Variants in NBEAL1 observed in about 807,000 individuals in gnomAD.
NBEAL1 encodes neurobeachin like 1.
In NBEAL1, 273 loss-of-function variants were observed where a neutral mutation model predicts 351.3. That is an observed-to-expected ratio of 0.78 (90% CI 0.70 to 0.86). The LOEUF is 0.86. Ranked by LOEUF, NBEAL1 falls within the 40% of genes least tolerant of loss-of-function variation. NBEAL1 has a pLI of 0.00. For missense variants in NBEAL1, 2,961 were observed against 3,201.3 expected (o/e 0.92, Z 1.81); for synonymous variants, 1,050 against 1,086.4 (o/e 0.97, Z 0.66).
intron 23 of NBEAL1, 37 bp downstream of exon 23, chr2:203,126,963 A>T (rs1362860428): frequency 2.2e-6 from 3 of 1,371,186 alleles, no homozygotes; most frequent in Non-Finnish European, 3.0e-6. Flanking sequence ...TTGATATATT[A>T]TTTTCTGTCT....
chr2:203,085,603 AATG>A (rs1471514358), intron 10 of NBEAL1: 5 of 152,160 alleles, frequency 3.3e-5, no homozygotes, highest in African/African-American at 4.8e-5. Flanking sequence ...TAATGACCTA[AATG>A]ATGATTTTGG....
chr2:203,129,154 A>G (rs2063015001), intron 24 of NBEAL1, among the ~76,000 whole-genome samples: 2 of 152,166 alleles, frequency 1.3e-5, no homozygotes, highest in Non-Finnish European at 2.9e-5. Flanking sequence ...CACTGCTATA[A>G]CATATACAGA....
Position 203,207,512 on chromosome 2 carries a change from C to T in NBEAL1, c.7507-1125C>T, listed in dbSNP as rs182123863. On this transcript the variant is annotated intron_variant, in intron 51 of 55. Transcript: ENST00000683969. ...AAAGATTGAGAAATCGGATGGTTGC[C>T]GTGTCTGTGTTAGAAAGAGGTAGAC... Among the ~76,000 whole-genome samples the T allele has an allele frequency of 7.1e-3, 1,082 of 152,284 alleles. 6 individuals carry two copies. The highest frequency in any genetic ancestry group is 0.011 in the Non-Finnish European group (758 of 68,014).
chr2:203,101,997 C>T (rs940294302), intron 12 of NBEAL1, among the ~76,000 whole-genome samples: 2 of 152,098 alleles, frequency 1.3e-5, no homozygotes, highest in Admixed American at 6.6e-5. Context: ...AGCAGTGTTT[C>T]GTAATTCTTG....
Position 203,110,286 on chromosome 2 carries a change from A to G in NBEAL1, c.2082+4A>G. 6.4e-7 allele frequency: 1 copy of G among 1,551,110 alleles called. No individual in the cohort carries two copies. Among genetic ancestry groups the G allele is most frequent in the Non-Finnish European group, 8.7e-7 (1 of 1,146,764 alleles). Reference sequence around the variant, plus strand: ...CAGTTTCTGTGATTCCCTCTGGGTAAGGCTTTAGGGCATCACATTTAACTT... The same window carrying G: ...CAGTTTCTGTGATTCCCTCTGGGTAGGGCTTTAGGGCATCACATTTAACTT... On this transcript the variant is annotated splice_donor_region_variant and intron_variant, in intron 15 of 55. Coordinates refer to ENST00000683969, the MANE Select transcript of NBEAL1 (RefSeq NM_001378026.1).
At chr2:203,175,328 T>G in intron 42 of NBEAL1, 41 bp downstream of exon 42, 1 of 1,605,148 alleles carries the variant, frequency 6.2e-7, no homozygotes, top group Non-Finnish European at 8.5e-7. Context: ...ATGACTATGT[T>G]AGTGTTGAAA....
chr2:203,025,114 G>A (rs1406892863), intron 2 of NBEAL1, among the ~76,000 whole-genome samples: 3 of 152,150 alleles, frequency 2.0e-5, no homozygotes, highest in Non-Finnish European at 4.4e-5. Flanking sequence ...TGGCACTGCT[G>A]TAGAACATCT....
intron 48 of NBEAL1, among the ~76,000 whole-genome samples, chr2:203,198,596 T>C (rs990987349): frequency 7.2e-5 from 11 of 152,114 alleles, no homozygotes; most frequent in African/African-American, 2.7e-4. Context: ...CTGAGCGCAG[T>C]GGCTCACACC....
chr2:203,146,118 T>G (rs1026521846), intron 33 of NBEAL1, among the ~76,000 whole-genome samples: 1 of 152,042 alleles, frequency 6.6e-6, no homozygotes, highest in Non-Finnish European at 1.5e-5. Flanking sequence ...CAAACCACTC[T>G]ATGCACATAA....
intron 35 of NBEAL1, among the ~76,000 whole-genome samples, chr2:203,156,357 G>A (rs2063798026): frequency 6.6e-6 from 1 of 152,130 alleles, no homozygotes; most frequent in Non-Finnish European, 1.5e-5. Context: ...TGGCCTCCTT[G>A]CTGCAGTCCA....
At chr2:203,077,186 T>C (rs991621294) in intron 7 of NBEAL1, among the ~76,000 whole-genome samples, 1 of 150,784 alleles carries the variant, frequency 6.6e-6, no homozygotes, top group Non-Finnish European at 1.5e-5. Context: ...CTGAGGCGGG[T>C]GGGTCACCTG....
chr2:203,182,975 C>T (rs534433133), intron 43 of NBEAL1: 32 of 179,878 alleles, frequency 1.8e-4, no homozygotes, highest in African/African-American at 6.9e-4. Flanking sequence ...GTGTCCCTCT[C>T]ATTATTTTAA....
chr2:203,089,389 C>G (rs1175631493), intron 10 of NBEAL1, among the ~76,000 whole-genome samples: 2 of 151,694 alleles, frequency 1.3e-5, no homozygotes, highest in Non-Finnish European at 2.9e-5. Context: ...CCACTTTGTT[C>G]CAGGTCTTTC....
chr2:203,181,496 A>G (rs905237578), intron 43 of NBEAL1: 1 of 152,146 alleles, frequency 6.6e-6, no homozygotes. Flanking sequence ...ACCTTTTTAA[A>G]TGTCCAAATC....
At chr2:203,140,472 T>C (rs575752783) in intron 31 of NBEAL1, among the ~76,000 whole-genome samples, 1 of 152,282 alleles carries the variant, frequency 6.6e-6, no homozygotes, top group East Asian at 1.9e-4. Context: ...TTTCTTTTTC[T>C]TACTATTATA....
intron 2 of NBEAL1, among the ~76,000 whole-genome samples, chr2:203,029,154 T>C (rs1197109909): frequency 6.6e-6 from 1 of 152,168 alleles, no homozygotes; most frequent in Non-Finnish European, 1.5e-5. Flanking sequence ...TACGCCTGGC[T>C]AATTTTTTTA....
At chr2:203,157,647 T>A in intron 35 of NBEAL1, 52 bp from the exon 36 acceptor site, 1 of 1,380,044 alleles carries the variant, frequency 7.2e-7, no homozygotes, top group Non-Finnish European at 9.7e-7. Flanking sequence ...ACAGAAAGGC[T>A]ATAATATTGT....
intron 54 of NBEAL1, among the ~76,000 whole-genome samples, chr2:203,211,523 T>G (rs1251091773): frequency 1.3e-5 from 2 of 152,236 alleles, no homozygotes; most frequent in East Asian, 3.9e-4. Flanking sequence ...AGCATGTTCC[T>G]GTGTTCCCAG....
At chr2:203,088,108 A>G (rs1211546963) in intron 10 of NBEAL1, among the ~76,000 whole-genome samples, 1 of 152,222 alleles carries the variant, frequency 6.6e-6, no homozygotes, top group Admixed American at 6.5e-5. Context: ...ACTCAGGCTT[A>G]TTTTAAAAGT....
Sources: gnomAD v4.1 joint callset for allele counts (sites outside exome capture counted in the v4.1 genomes callset) on GRCh38, gnomAD v4.1.1 for gene constraint, MANE v1.5 for transcripts, NCBI Gene and HGNC (gene_info 2026-07-23, HGNC 2026-07-21) for gene names.